CAST: variants seen among roughly 807,000 people sequenced by gnomAD.
CAST encodes calpastatin.
A neutral mutation model predicts 119.6 loss-of-function variants in CAST; 76 were observed. The ratio of observed to expected loss-of-function variants is 0.64; its 90% CI spans 0.53 to 0.77. The LOEUF is 0.77. Among genes scored for constraint, CAST ranks in the 30% least tolerant of loss-of-function variants. The pLI, the probability that CAST is intolerant of heterozygous loss-of-function variation, is 0.00. For missense variants in CAST, 953 were observed against 946.5 expected (o/e 1.01, Z -0.09); for synonymous variants, 319 against 331.6 (o/e 0.96, Z 0.41).
At position 96,750,698 on chromosome 5, in the gene CAST, G is replaced by A. The variant is rs1202423605; in HGVS notation, c.1524+16G>A. On this transcript the variant is annotated intron_variant, in intron 20 of 31. Transcript: ENST00000675179. Reference sequence around the variant, plus strand: ...GGCTACCTTGGTGAGTGACTCCCTGGGCATTTGAGCAGTGGCTTGAGAAAG... The same window carrying A: ...GGCTACCTTGGTGAGTGACTCCCTGAGCATTTGAGCAGTGGCTTGAGAAAG... The A allele has an allele frequency of 6.4e-7, 1 of 1,560,114 alleles. No individual in the cohort carries two copies. The highest frequency in any genetic ancestry group is 8.8e-7 in the Non-Finnish European group (1 of 1,131,358).
intron 1 of CAST, among the ~76,000 whole-genome samples, chr5:96,557,094 G>A (rs574196185): frequency 1.4e-3 from 210 of 152,012 alleles, no homozygotes; most frequent in African/African-American, 4.7e-3. Context: ...CCAGAATTTC[G>A]TATCCAGCCA....
the CAST span, among the ~76,000 whole-genome samples, chr5:96,264,498 G>T: frequency 6.6e-6 from 1 of 152,172 alleles, no homozygotes; most frequent in Non-Finnish European, 1.5e-5. Flanking sequence ...GTCTGAGTTT[G>T]TGGGAATGAC....
At chr5:96,145,010 C>G in the CAST span, among the ~76,000 whole-genome samples, 2 of 152,154 alleles carry the variant, frequency 1.3e-5, no homozygotes, top group Non-Finnish European at 2.9e-5. Flanking sequence ...GCAAGTTGCT[C>G]TTTTGCTAGT....
the CAST span, among the ~76,000 whole-genome samples, chr5:96,084,749 T>C: frequency 4.6e-5 from 7 of 152,182 alleles, no homozygotes; most frequent in Non-Finnish European, 8.8e-5. Flanking sequence ...ATGTTCATAT[T>C]CCAGGGAGAG....
the CAST span, among the ~76,000 whole-genome samples, chr5:96,350,121 AATG>A: frequency 6.6e-6 from 1 of 152,202 alleles, no homozygotes; most frequent in Non-Finnish European, 1.5e-5. Context: ...TGCCAAAGTT[AATG>A]ATGTGTGCCC....
the CAST span, among the ~76,000 whole-genome samples, chr5:96,476,488 T>A: frequency 6.6e-6 from 1 of 152,242 alleles, no homozygotes; most frequent in Non-Finnish European, 1.5e-5. Flanking sequence ...TAGGCAGAAC[T>A]GTGGGCAGGA....
At chr5:96,105,718 C>T in the CAST span, among the ~76,000 whole-genome samples, 327 of 152,096 alleles carry the variant, frequency 2.1e-3, 1 homozygote, top group Non-Finnish European at 3.4e-3. Flanking sequence ...TGTCTCTGCC[C>T]GACTTTGGTA....
chr5:96,177,590 C>A, the CAST span, among the ~76,000 whole-genome samples: 1 of 152,164 alleles, frequency 6.6e-6, no homozygotes. Context: ...GGTCTCTCAG[C>A]AGTTTGAAAA....
chr5:96,112,581 T>G, the CAST span, among the ~76,000 whole-genome samples: 1 of 152,144 alleles, frequency 6.6e-6, no homozygotes, highest in Non-Finnish European at 1.5e-5. Flanking sequence ...GGGTAAGTCA[T>G]GAAGAGGGAA....
chr5:96,063,200 C>G, the CAST span, among the ~76,000 whole-genome samples: 1 of 152,178 alleles, frequency 6.6e-6, no homozygotes, highest in Non-Finnish European at 1.5e-5. Context: ...CCCATAGTGG[C>G]TGGACTGCTG....
the CAST span, among the ~76,000 whole-genome samples, chr5:96,129,916 G>GCATC: frequency 6.6e-6 from 1 of 151,646 alleles, no homozygotes; most frequent in Admixed American, 6.6e-5. Context: ...GTATTTTGAG[G>GCATC]CATCCCTTAT....
At chr5:96,074,019 G>A in the CAST span, among the ~76,000 whole-genome samples, 86 of 152,134 alleles carry the variant, frequency 5.7e-4, no homozygotes, top group Non-Finnish European at 1.0e-3. Context: ...CATGACCCAA[G>A]CTAGGCTAAT....
At chr5:96,457,609 T>G in the CAST span, among the ~76,000 whole-genome samples, 1 of 152,206 alleles carries the variant, frequency 6.6e-6, no homozygotes, top group Admixed American at 6.5e-5. Context: ...CTTGCTCTTC[T>G]CTCTACCTGG....
chr5:96,404,627 C>T, the CAST span, among the ~76,000 whole-genome samples: 6 of 152,084 alleles, frequency 3.9e-5, no homozygotes, highest in African/African-American at 1.2e-4. Context: ...CTCAATCTTC[C>T]GAACCCTCCT....
intron 1 of CAST, among the ~76,000 whole-genome samples, chr5:96,648,872 T>C (rs1355933829): frequency 6.6e-6 from 1 of 152,168 alleles, no homozygotes; most frequent in Non-Finnish European, 1.5e-5. Context: ...TCCATTCACC[T>C]GACTCCAGCT....
At chr5:96,563,487 C>T (rs1746418644) in intron 1 of CAST, among the ~76,000 whole-genome samples, 2 of 152,136 alleles carry the variant, frequency 1.3e-5, no homozygotes, top group East Asian at 3.9e-4. Flanking sequence ...ATAAGATATA[C>T]GCTTCAGATT....
chr5:96,645,124 G>C (rs1052232992), intron 1 of CAST, among the ~76,000 whole-genome samples: 1 of 152,118 alleles, frequency 6.6e-6, no homozygotes, highest in Non-Finnish European at 1.5e-5. Context: ...TCTGGGGCCT[G>C]TGACAGTTTT....
chr5:96,280,672 A>C, the CAST span, among the ~76,000 whole-genome samples: 1 of 152,230 alleles, frequency 6.6e-6, no homozygotes, highest in Admixed American at 6.5e-5. Flanking sequence ...AAATGAGATA[A>C]TGTATGTGAA....
chr5:96,105,576 G>A, the CAST span, among the ~76,000 whole-genome samples: 1 of 152,148 alleles, frequency 6.6e-6, no homozygotes, highest in African/African-American at 2.4e-5. Flanking sequence ...TGCATCCCAG[G>A]GATGAAGCCC....
Sources: allele counts gnomAD v4.1 joint callset (sites outside exome capture counted in the v4.1 genomes callset), GRCh38; gene constraint gnomAD v4.1.1; transcripts MANE v1.5; gene names NCBI Gene and HGNC (gene_info 2026-07-23, HGNC 2026-07-21).